TSPAN11: variants seen among roughly 807,000 people sequenced by gnomAD.
TSPAN11 encodes tetraspanin 11, also known as tetraspanin-11.
Under a neutral mutation model 32.9 loss-of-function variants are expected in TSPAN11, and 29 were observed. The observed-to-expected ratio is 0.88, with a 90% CI of 0.66 to 1.20. TSPAN11 has a LOEUF of 1.20. Ranked by LOEUF, TSPAN11 falls within the 50% of genes most tolerant of loss-of-function variation. The pLI is 0.00. For synonymous variants in TSPAN11, 140 were observed against 141.3 expected (o/e 0.99, Z 0.07); for missense variants, 283 against 329.1 (o/e 0.86, Z 1.08).
At chr12:30,929,072 A>G (rs926611793) in intron 1 of TSPAN11, among the ~76,000 whole-genome samples, 1 of 152,214 alleles carries the variant, frequency 6.6e-6, no homozygotes, top group Non-Finnish European at 1.5e-5. Context: ...AGCAGGCTCC[A>G]CTGGCAGGGC....
Position 30,953,707 on chromosome 12 carries a change from C to T in TSPAN11, c.-11-274C>T, listed in dbSNP as rs60559639. Among the ~76,000 whole-genome samples the T allele has an allele frequency of 9.1e-3, 1,388 of 152,306 alleles. 20 individuals are homozygous for T. The highest frequency in any genetic ancestry group is 0.032 in the African/African-American group (1,328 of 41,566). ...GAGATTAAGAACACAGTAAGACCAGCGCAAATTCTGTGGGAGACTTGTAGG... is the reference window on the plus strand; with the variant it reads ...GAGATTAAGAACACAGTAAGACCAGTGCAAATTCTGTGGGAGACTTGTAGG... On this transcript the variant is annotated intron_variant, in intron 1 of 7. Transcript: ENST00000546076.
intron 5 of TSPAN11, among the ~76,000 whole-genome samples, chr12:30,981,300 A>G (rs1442179885): frequency 6.6e-6 from 1 of 152,224 alleles, no homozygotes; most frequent in Non-Finnish European, 1.5e-5. Flanking sequence ...TGTAAATGAC[A>G]GAGACACACA....
chr12:30,983,132 CG>C lies in TSPAN11; in HGVS notation c.688del (p.Val230TrpfsTer77), dbSNP rs1939129579. 6.2e-7 allele frequency: 1 copy of C among 1,612,526 alleles called. No homozygotes were observed. Among genetic ancestry groups the C allele is most frequent in the Non-Finnish European group, 8.5e-7 (1 of 1,179,792 alleles). ...HLLLMGAVGI[G>X]VACLQICGMV... Reference sequence around the variant, plus strand: ...TGCTGCTTATGGGGGCAGTGGGCATCGGGGTGGCCTGCCTGCAGGTGAGTTG... The same window carrying C: ...TGCTGCTTATGGGGGCAGTGGGCATCGGGTGGCCTGCCTGCAGGTGAGTTG... On this transcript the variant is annotated frameshift_variant, in exon 7 of 8. Coordinates refer to ENST00000546076, the MANE Select transcript of TSPAN11 (RefSeq NM_001370302.1). LOFTEE classifies it high-confidence loss of function.
At chr12:30,972,992 C>T (rs1202674170) in intron 3 of TSPAN11, among the ~76,000 whole-genome samples, 1 of 152,034 alleles carries the variant, frequency 6.6e-6, no homozygotes, top group Non-Finnish European at 1.5e-5. Context: ...ACACTCTGTC[C>T]TTTGCGGAGG....
At chr12:30,964,752 C>T (rs1938693783) in intron 3 of TSPAN11, among the ~76,000 whole-genome samples, 1 of 152,208 alleles carries the variant, frequency 6.6e-6, no homozygotes, top group African/African-American at 2.4e-5. Flanking sequence ...AACAGTCATT[C>T]CTTAATATCA....
At chr12:31,004,795 G>C in the TSPAN11 span, among the ~76,000 whole-genome samples, 3 of 152,342 alleles carry the variant, frequency 2.0e-5, no homozygotes, top group Admixed American at 6.5e-5. Flanking sequence ...CCCAACAACT[G>C]CTCCTCAGTG....
chr12:30,929,323 C>T (rs1937868992), intron 1 of TSPAN11, among the ~76,000 whole-genome samples: 1 of 152,170 alleles, frequency 6.6e-6, no homozygotes, highest in Admixed American at 6.5e-5. Context: ...GTGGTTATTC[C>T]ACAAACCATT....
chr12:30,927,583 C>T (rs1300324950), intron 1 of TSPAN11, among the ~76,000 whole-genome samples: 3 of 141,960 alleles, frequency 2.1e-5, no homozygotes, highest in Admixed American at 1.5e-4. Flanking sequence ...GTGAGGTGAG[C>T]GTGGGGGTGG....
At chr12:30,984,377 C>A (rs55916253) in intron 7 of TSPAN11, among the ~76,000 whole-genome samples, 16,031 of 152,042 alleles carry the variant, frequency 0.11, 971 homozygotes, top group Middle Eastern at 0.13. Flanking sequence ...AAGAATGAGG[C>A]GATGCCTGCA....
chr12:30,979,791 A>G, intron 5 of TSPAN11, 121 bp downstream of exon 5: 1 of 936,750 alleles, frequency 1.1e-6, no homozygotes, highest in Non-Finnish European at 1.6e-6. Flanking sequence ...CAAATGTCAC[A>G]TCCTTAAAAT....
At position 30,993,949 on chromosome 12, in the gene TSPAN11, G is replaced by C. The variant is rs1028860319; in HGVS notation, c.*2034G>C. Reference sequence around the variant, plus strand: ...GCCTTATCATTGAAGGCAGGCCCAGGACAGCCTGCCCCATCTGCCCCAGCC... The same window carrying C: ...GCCTTATCATTGAAGGCAGGCCCAGCACAGCCTGCCCCATCTGCCCCAGCC... On this transcript the variant is annotated 3_prime_UTR_variant, in exon 8 of 8. Transcript: ENST00000546076. 4 of 152,312 alleles carry C rather than the reference G, an allele frequency of 2.6e-5. No homozygotes were observed. Among genetic ancestry groups the C allele is most frequent in the African/African-American group, 9.6e-5 (4 of 41,466 alleles). The allele number at this position is 152,312 out of a possible 1,614,324, so 9.4% of individuals were successfully genotyped here.
At chr12:31,011,909 A>C in the TSPAN11 span, among the ~76,000 whole-genome samples, 7 of 152,126 alleles carry the variant, frequency 4.6e-5, no homozygotes, top group Non-Finnish European at 8.8e-5. Flanking sequence ...TTCTCCCATT[A>C]CTTGATGTGG....
At chr12:30,962,028 T>C (rs1397473762) in intron 2 of TSPAN11, among the ~76,000 whole-genome samples, 1 of 152,074 alleles carries the variant, frequency 6.6e-6, no homozygotes, top group African/African-American at 2.4e-5. Context: ...ATATCATCAG[T>C]GGTAAGACAC....
intron 4 of TSPAN11, 80 bp from the exon 5 acceptor site, chr12:30,979,486 G>A: frequency 6.3e-6 from 8 of 1,276,754 alleles, no homozygotes; most frequent in Non-Finnish European, 9.1e-6. Flanking sequence ...ATTAGCTGGG[G>A]GGAGTTGGAA....
chr12:31,001,093 C>G (rs1290211249), downstream of TSPAN11, among the ~76,000 whole-genome samples: 1 of 152,158 alleles, frequency 6.6e-6, no homozygotes, highest in African/African-American at 2.4e-5. Context: ...GTAGCTGCGG[C>G]CAGCTTTCTA....
chr12:30,983,260 C>T, intron 7 of TSPAN11, 110 bp downstream of exon 7: 9 of 1,025,312 alleles, frequency 8.8e-6, no homozygotes, highest in Non-Finnish European at 1.3e-5. Context: ...CTTTGCACAC[C>T]CGCACCCTAC....
chr12:30,946,337 A>G (rs1312932295), intron 1 of TSPAN11, among the ~76,000 whole-genome samples: 1 of 152,054 alleles, frequency 6.6e-6, no homozygotes, highest in Admixed American at 6.5e-5. Context: ...GTTTTAACAA[A>G]CCCTCCAGAT....
intron 3 of TSPAN11, 184 bp from the exon 4 acceptor site, chr12:30,978,377 A>C (rs1437068570): frequency 4.8e-6 from 3 of 623,732 alleles, no homozygotes; most frequent in African/African-American, 1.8e-5. Context: ...AGCAGACCAA[A>C]GAGGGAAGGA....
At chr12:30,950,078 C>G (rs1201044819) in intron 1 of TSPAN11, among the ~76,000 whole-genome samples, 1 of 152,172 alleles carries the variant, frequency 6.6e-6, no homozygotes, top group Non-Finnish European at 1.5e-5. Context: ...GTTCAGGCAT[C>G]TGTCCCCTAC....
Sources: gnomAD v4.1 joint callset for allele counts (sites outside exome capture counted in the v4.1 genomes callset) on GRCh38, gnomAD v4.1.1 for gene constraint, MANE v1.5 for transcripts, NCBI Gene and HGNC (gene_info 2026-07-23, HGNC 2026-07-21) for gene names.